Variants in WWOX observed in about 807,000 individuals in gnomAD.
WWOX encodes WW domain-containing oxidoreductase.
A neutral mutation model predicts 46.2 loss-of-function variants in WWOX; 69 were observed. The observed-to-expected ratio is 1.49, with a 90% CI of 1.23 to 1.82. The LOEUF is 1.82. Ranked by LOEUF, WWOX falls within the 40% of genes most tolerant of loss-of-function variation. WWOX has a pLI of 0.00. For synonymous variants in WWOX, 359 were observed against 202.6 expected, an observed-to-expected ratio of 1.77 and a Z score of -6.56; for missense variants, 919 against 542.6, an observed-to-expected ratio of 1.69 and a Z score of -6.89.
chr16:78,285,587 A>G (rs925142933), intron 5 of WWOX, among the ~76,000 whole-genome samples: 2 of 152,208 alleles, frequency 1.3e-5, no homozygotes, highest in Non-Finnish European at 2.9e-5. Context: ...ATGGCTGAAC[A>G]TTGCTGGGGG....
rs574605409 is a variant in WWOX, at chr16:78,937,182, G to A, written c.1057-274426G>A. On this transcript the variant is annotated intron_variant, in intron 8 of 8. Transcript: ENST00000566780. ...TTCCATCAAGAGGAACATACATATGGATTTTTGGAGAGGGGAGCAGAGCAG... is the reference window on the plus strand; with the variant it reads ...TTCCATCAAGAGGAACATACATATGAATTTTTGGAGAGGGGAGCAGAGCAG... Among the ~76,000 whole-genome samples the A allele has an allele frequency of 5.9e-5, 9 of 152,220 alleles. No homozygotes were observed. In the East Asian group the frequency reaches 1.7e-3, roughly 29 times the overall value.
chr16:78,793,050 A>G (rs1193238316), intron 8 of WWOX, among the ~76,000 whole-genome samples: 2 of 152,098 alleles, frequency 1.3e-5, no homozygotes, highest in African/African-American at 4.8e-5. Flanking sequence ...TCTTTCTTTC[A>G]TCTTATCTAT....
At chr16:78,233,814 A>G (rs1249077444) in intron 5 of WWOX, among the ~76,000 whole-genome samples, 1 of 152,122 alleles carries the variant, frequency 6.6e-6, no homozygotes, top group Non-Finnish European at 1.5e-5. Context: ...GGCGTGAGCC[A>G]CCGTGCCTGG....
intron 8 of WWOX, among the ~76,000 whole-genome samples, chr16:79,179,804 G>A (rs1597450885): frequency 6.6e-6 from 1 of 152,210 alleles, no homozygotes; most frequent in African/African-American, 2.4e-5. Context: ...GTGTAATGGA[G>A]ATGTATAAGC....
In WWOX at chr16:78,676,744, G is replaced by T. The variant is rs576963975; in HGVS notation, c.1056+243992G>T. On this transcript the variant is annotated intron_variant, in intron 8 of 8. Coordinates refer to ENST00000566780, the MANE Select transcript of WWOX (RefSeq NM_016373.4). ...GTTCTCATCATTTATACTCGTTTCA[G>T]CTAAGTCTTCTTTTATTGAAATAAA... Among the ~76,000 whole-genome samples, 4 of 152,280 alleles carry T rather than the reference G, an allele frequency of 2.6e-5. No homozygotes were observed. The East Asian group carries it at 7.7e-4, about 29-fold the overall frequency.
chr16:78,756,338 T>C (rs1452196340), intron 8 of WWOX, among the ~76,000 whole-genome samples: 1 of 151,834 alleles, frequency 6.6e-6, no homozygotes, highest in Non-Finnish European at 1.5e-5. Context: ...AAAAAATCAA[T>C]AAAATGAGCA....
rs960108855 is a variant in WWOX at position 78,941,854 on chromosome 16, A to T, written c.1057-269754A>T. ...TACTATTTTTTCTTTTTTTGTAATC[A>T]TGGTGGTTCTTTTTGCCCACTTATT... On this transcript the variant is annotated intron_variant, in intron 8 of 8. Coordinates refer to ENST00000566780, the MANE Select transcript of WWOX (RefSeq NM_016373.4). Among the ~76,000 whole-genome samples the T allele has an allele frequency of 2.6e-5, 4 of 152,222 alleles. No homozygotes were observed. In the East Asian group the frequency reaches 7.7e-4, roughly 29 times the overall value.
At chr16:78,959,967 G>T (rs1167533401) in intron 8 of WWOX, among the ~76,000 whole-genome samples, 1 of 152,314 alleles carries the variant, frequency 6.6e-6, no homozygotes, top group South Asian at 2.1e-4. Flanking sequence ...TAAAGGGTGT[G>T]TATAAGGTGA....
intron 8 of WWOX, among the ~76,000 whole-genome samples, chr16:78,441,294 C>G (rs1307432859): frequency 1.3e-5 from 2 of 152,162 alleles, no homozygotes; most frequent in Non-Finnish European, 2.9e-5. Flanking sequence ...TACTGTATCC[C>G]TGGTCCATAC....
intron 8 of WWOX, among the ~76,000 whole-genome samples, chr16:79,071,918 C>T (rs144549222): frequency 3.0e-4 from 46 of 152,270 alleles, no homozygotes; most frequent in African/African-American, 1.1e-3. Flanking sequence ...GTAGGGTGGC[C>T]AAACCTTGTG....
chr16:78,851,724 A>G (rs1014097016), intron 8 of WWOX, among the ~76,000 whole-genome samples: 3 of 152,220 alleles, frequency 2.0e-5, no homozygotes, highest in Non-Finnish European at 4.4e-5. Context: ...TTATTTTCAA[A>G]TGAAGTGGAC....
chr16:78,696,655 T>C (rs1193687539), intron 8 of WWOX, among the ~76,000 whole-genome samples: 1 of 152,052 alleles, frequency 6.6e-6, no homozygotes, highest in Admixed American at 6.6e-5. Flanking sequence ...TTTTATATTT[T>C]CTTTAATTTT....
chr16:78,361,754 G>A (rs748189492), intron 5 of WWOX, among the ~76,000 whole-genome samples: 2 of 152,036 alleles, frequency 1.3e-5, no homozygotes, highest in Non-Finnish European at 2.9e-5. Context: ...TGGGATTACA[G>A]GTCCATGCCA....
intron 8 of WWOX, among the ~76,000 whole-genome samples, chr16:79,117,936 A>T (rs1388355825): frequency 6.6e-6 from 1 of 152,198 alleles, no homozygotes; most frequent in African/African-American, 2.4e-5. Flanking sequence ...AACCACTCAA[A>T]CATTCTTCAT....
rs1555560965 is a variant in WWOX at position 78,548,179 on chromosome 16, T to TCAACC, written c.1056+115427_1056+115428insCAACC. On this transcript the variant is annotated intron_variant, in intron 8 of 8. Coordinates refer to ENST00000566780, the MANE Select transcript of WWOX (RefSeq NM_016373.4). ...AAAAAAAAAAAAAAAAAAAAAAAAA[T>TCAACC]TACGAATTTTGCGAGGACGCAAACA... Among the ~76,000 whole-genome samples, 3 of 119,414 alleles carry TCAACC rather than the reference T, an allele frequency of 2.5e-5. 1 individual carries two copies. The highest frequency in any genetic ancestry group is 3.5e-5 in the Non-Finnish European group (2 of 57,476). The allele number at this position is 119,414 out of a possible 152,430, so 78.3% of individuals were successfully genotyped here. A position where few individuals can be genotyped will look rare whatever the true frequency, so the allele number is the denominator to read the frequency against.
intron 8 of WWOX, among the ~76,000 whole-genome samples, chr16:78,811,525 C>G (rs886760968): frequency 6.6e-6 from 1 of 151,414 alleles, no homozygotes; most frequent in African/African-American, 2.4e-5. Flanking sequence ...CTTTTTCTCT[C>G]TCTCTTTCCC....
chr16:78,887,949 C>G (rs1235264599), intron 8 of WWOX, among the ~76,000 whole-genome samples: 2 of 152,194 alleles, frequency 1.3e-5, no homozygotes, highest in East Asian at 1.9e-4. Flanking sequence ...AGAAAGCTCA[C>G]TCTGACAAAC....
intron 5 of WWOX, chr16:78,278,522 C>G: frequency 1.4e-6 from 2 of 1,383,138 alleles, no homozygotes; most frequent in Non-Finnish European, 2.0e-6. Flanking sequence ...AAAAACTTAT[C>G]TTTGGAATGC....
In WWOX at chr16:78,728,055, CT is replaced by C. The variant is rs758484198; in HGVS notation, c.1056+295330del. On this transcript the variant is annotated intron_variant, in intron 8 of 8. Transcript: ENST00000566780. ...TTCCTCTTTCCTCTCTCCCTCCTTC[CT>C]TTTTTTTTTTTTTTTTTTTTTTTTT... Among the ~76,000 whole-genome samples, 799 of 86,730 alleles carry C rather than the reference CT, an allele frequency of 9.2e-3. 2 individuals carry two copies. Among genetic ancestry groups the C allele is most frequent in the African/African-American group, 0.039 (657 of 16,924 alleles). The allele number at this position is 86,730 out of a possible 152,430, so 56.9% of individuals were successfully genotyped here.
Sources: gnomAD v4.1 joint callset for allele counts (sites outside exome capture counted in the v4.1 genomes callset) on GRCh38, gnomAD v4.1.1 for gene constraint, MANE v1.5 for transcripts, NCBI Gene and HGNC (gene_info 2026-07-23, HGNC 2026-07-21) for gene names.